The following SEMA3E variants were observed in gnomAD, a reference collection of about 807,000 sequenced individuals.
SEMA3E encodes the protein semaphorin 3E.
Under a neutral mutation model 93.6 loss-of-function variants are expected in SEMA3E, and 49 were observed. The ratio of observed to expected loss-of-function variants is 0.52; its 90% CI spans 0.42 to 0.66. The LOEUF is 0.66. Ranked by LOEUF, SEMA3E falls within the 30% of genes least tolerant of loss-of-function variation. SEMA3E has a pLI of 0.00. For synonymous variants in SEMA3E, 363 were observed against 330.7 expected (o/e 1.10, Z -1.06); for missense variants, 906 against 964.8 (o/e 0.94, Z 0.81).
At chr7:83,621,178 G>C (rs181550261) in intron 1 of SEMA3E, among the ~76,000 whole-genome samples, 93 of 152,110 alleles carry the variant, frequency 6.1e-4, no homozygotes, top group African/African-American at 2.1e-3. Flanking sequence ...TGCAAAATTT[G>C]CTAGCATTCC....
At chr7:83,539,865 G>T (rs1584318334) in intron 1 of SEMA3E, among the ~76,000 whole-genome samples, 2 of 134,546 alleles carry the variant, frequency 1.5e-5, no homozygotes, top group East Asian at 5.1e-4. Flanking sequence ...CTGTGTGTGT[G>T]TGTGTGTGTG....
Position 83,385,285 on chromosome 7 carries a change from A to G in SEMA3E, c.1875+9T>C, listed in dbSNP as rs761514237. The G allele has an allele frequency of 3.1e-6, 5 of 1,612,870 alleles. No individual in the cohort carries two copies. The African/African-American group carries it at 6.7e-5, about 22-fold the overall frequency. ...AATACTATGTTTTGAATATGCAGCT[A>G]TGAATTACCTCCTCTTTTCTTGTCT... On this transcript the variant is annotated intron_variant, in intron 16 of 16. Coordinates refer to ENST00000643230, the MANE Select transcript of SEMA3E (RefSeq NM_012431.3).
At chr7:83,441,715 A>C (rs62460805) in intron 4 of SEMA3E, among the ~76,000 whole-genome samples, 15,683 of 152,148 alleles carry the variant, frequency 0.1, 978 homozygotes, top group Non-Finnish European at 0.14. Flanking sequence ...GCCCCATGTT[A>C]CACATCCAGC....
chr7:83,508,922 A>T (rs1562812358), intron 1 of SEMA3E, among the ~76,000 whole-genome samples: 1 of 152,176 alleles, frequency 6.6e-6, no homozygotes, highest in African/African-American at 2.4e-5. Flanking sequence ...GATAATAGCA[A>T]ATTCGTTAAG....
chr7:83,504,228 A>G (rs1166205294), intron 1 of SEMA3E, among the ~76,000 whole-genome samples: 1 of 152,248 alleles, frequency 6.6e-6, no homozygotes, highest in Non-Finnish European at 1.5e-5. Flanking sequence ...ATAGAATAAT[A>G]ACTGAATTTC....
At chr7:83,399,253 G>C (rs767787491) in intron 11 of SEMA3E, among the ~76,000 whole-genome samples, 6 of 152,106 alleles carry the variant, frequency 3.9e-5, no homozygotes, top group Non-Finnish European at 8.8e-5. Context: ...ACACTTCAAA[G>C]AATTTGCTAC....
intron 1 of SEMA3E, among the ~76,000 whole-genome samples, chr7:83,578,292 A>T (rs1792450015): frequency 6.6e-6 from 1 of 152,094 alleles, no homozygotes; most frequent in Non-Finnish European, 1.5e-5. Flanking sequence ...AGTTAATAAA[A>T]GATAGAATCC....
At chr7:83,460,988 C>T (rs999883025) in intron 4 of SEMA3E, among the ~76,000 whole-genome samples, 2 of 152,184 alleles carry the variant, frequency 1.3e-5, no homozygotes, top group African/African-American at 4.8e-5. Flanking sequence ...CTTAAAAGCT[C>T]TTCAACTCAC....
rs3801554 is a variant in SEMA3E, at chr7:83,575,247, C to T, written c.115+73181G>A. ...AGTTGAAGGAGGGTAGCAGGATGGA[C>T]GGAGAAACATCTTGAAATTGCTCTT... On this transcript the variant is annotated intron_variant, in intron 1 of 16. Transcript: ENST00000643230. Among the ~76,000 whole-genome samples, 62 of 151,582 alleles carry T rather than the reference C, an allele frequency of 4.1e-4. No homozygotes were observed. The East Asian group carries it at 4.3e-3, about 10-fold the overall frequency.
Position 83,503,686 on chromosome 7 carries a change from T to G in SEMA3E, c.116-13412A>C, listed in dbSNP as rs376704032. 5.3e-5 allele frequency among the ~76,000 whole-genome samples: 8 copies of G among 152,298 alleles called. No homozygotes were observed. The South Asian group carries it at 6.2e-4, about 12-fold the overall frequency. On this transcript the variant is annotated intron_variant, in intron 1 of 16. Coordinates refer to ENST00000643230, the MANE Select transcript of SEMA3E (RefSeq NM_012431.3). ...TACAAACCTGTTCAGCATGTTACTGTGATGAAAACTATAAGCAATTGTAAT... is the reference window on the plus strand; with the variant it reads ...TACAAACCTGTTCAGCATGTTACTGGGATGAAAACTATAAGCAATTGTAAT...
chr7:83,422,256 A>G (rs974168745), intron 4 of SEMA3E, among the ~76,000 whole-genome samples: 6 of 152,212 alleles, frequency 3.9e-5, no homozygotes, highest in East Asian at 1.9e-4. Context: ...AGGTGTGGCT[A>G]AACTTATATT....
At chr7:83,544,618 GAAT>G (rs1791607920) in intron 1 of SEMA3E, among the ~76,000 whole-genome samples, 1 of 152,106 alleles carries the variant, frequency 6.6e-6, no homozygotes, top group Admixed American at 6.6e-5. Context: ...TTGTAGATAT[GAAT>G]AATATTTTCA....
At chr7:83,374,553 A>G (rs879880753) in intron 16 of SEMA3E, among the ~76,000 whole-genome samples, 1 of 152,318 alleles carries the variant, frequency 6.6e-6, no homozygotes, top group East Asian at 1.9e-4. Context: ...TTAAGAATGA[A>G]TTAAGAGCAA....
intron 1 of SEMA3E, among the ~76,000 whole-genome samples, chr7:83,496,273 A>G (rs1790489912): frequency 6.6e-6 from 1 of 152,044 alleles, no homozygotes; most frequent in Non-Finnish European, 1.5e-5. Flanking sequence ...AAAATACCCT[A>G]GTAATTAAAA....
At chr7:83,547,634 C>T (rs1791679007) in intron 1 of SEMA3E, among the ~76,000 whole-genome samples, 1 of 152,048 alleles carries the variant, frequency 6.6e-6, no homozygotes, top group South Asian at 2.1e-4. Context: ...TTATTATTTT[C>T]TTATCAAATC....
rs190420544 is a variant in SEMA3E, at chr7:83,600,859, G to T, written c.115+47569C>A. Among the ~76,000 whole-genome samples, 12 of 152,240 alleles carry T rather than the reference G, an allele frequency of 7.9e-5. No individual in the cohort carries two copies. The East Asian group carries it at 2.3e-3, about 29-fold the overall frequency. On this transcript the variant is annotated intron_variant, in intron 1 of 16. Coordinates refer to ENST00000643230, the MANE Select transcript of SEMA3E (RefSeq NM_012431.3). ...TTAGACTAGACTCTAGAGAGTCATG[G>T]TACTTGGAATAATGGCATCCTCAAA...
chr7:83,532,297 T>C (rs2115730291), intron 1 of SEMA3E, among the ~76,000 whole-genome samples: 1 of 152,306 alleles, frequency 6.6e-6, no homozygotes, highest in South Asian at 2.1e-4. Flanking sequence ...AGGAAATCCA[T>C]ACTCCACTGT....
intron 1 of SEMA3E, among the ~76,000 whole-genome samples, chr7:83,615,643 A>G (rs1793349543): frequency 6.6e-6 from 1 of 152,064 alleles, no homozygotes; most frequent in African/African-American, 2.4e-5. Flanking sequence ...ACGCCCCATC[A>G]TTTTTTACTA....
intron 1 of SEMA3E, among the ~76,000 whole-genome samples, chr7:83,633,097 G>A (rs573023361): frequency 9.2e-5 from 14 of 152,084 alleles, no homozygotes; most frequent in African/African-American, 3.4e-4. Context: ...TAAATCCATA[G>A]GTTGATTTTA....
Sources: gnomAD v4.1 joint callset for allele counts (sites outside exome capture counted in the v4.1 genomes callset) on GRCh38, gnomAD v4.1.1 for gene constraint, MANE v1.5 for transcripts, NCBI Gene and HGNC (gene_info 2026-07-23, HGNC 2026-07-21) for gene names.